The following FRMD1 variants were observed in gnomAD, a reference collection of about 807,000 sequenced individuals.
The protein encoded by FRMD1 is FERM domain-containing protein 1.
In FRMD1, 51 loss-of-function variants were observed where a neutral mutation model predicts 54.9. The ratio of observed to expected loss-of-function variants is 0.93; its 90% confidence interval spans 0.74 to 1.17. FRMD1 has a LOEUF of 1.17. Ranked by LOEUF, FRMD1 falls within the 50% of genes most tolerant of loss-of-function variation. The pLI is 0.00. For missense variants in FRMD1, 729 were observed against 743.0 expected, an observed-to-expected ratio of 0.98 and a Z score of 0.22; for synonymous variants, 324 against 306.4, an observed-to-expected ratio of 1.06 and a Z score of -0.60.
At position 168,056,703 on chromosome 6, in the gene FRMD1, A is replaced by G. The variant is rs6930196; in HGVS notation, c.*394T>C. On this transcript the variant is annotated 3_prime_UTR_variant, in exon 11 of 11. Coordinates refer to ENST00000283309, the MANE Select transcript of FRMD1 (RefSeq NM_024919.6). ...ATCAGGACTGTCTCTTGGGGAGCTG[A>G]CAGTGTGGGAAACTGCAGAGCTGTC... The G allele has an allele frequency of 0.012, 2,073 of 165,940 alleles. 38 individuals are homozygous for G. Among genetic ancestry groups the G allele is most frequent in the African/African-American group, 0.042 (1,760 of 42,000 alleles). 10.3% of individuals were successfully genotyped at this position (165,940 alleles called of 1,614,324 possible).
intron 2 of FRMD1, among the ~76,000 whole-genome samples, chr6:168,072,232 G>A (rs1473042243): frequency 6.6e-6 from 1 of 152,144 alleles, no homozygotes; most frequent in Non-Finnish European, 1.5e-5. Flanking sequence ...GCTGGGAGGG[G>A]AGGTCCTTCC....
Position 168,079,044 on chromosome 6 carries a change from A to C in FRMD1, c.51T>G (p.Pro17=). 5.6e-6 allele frequency: 9 copies of C among 1,610,984 alleles called. No homozygotes were observed. The highest frequency in any genetic ancestry group is 7.6e-6 in the Non-Finnish European group (9 of 1,179,910). The stretch of plus-strand genomic sequence containing the variant: ...GCGCCCCTGAAGGAGGGAACGTGTC[A>C]GGGTTTGTCCGGGCGGGGTCTATGC... ...GRGIDPARTN[P]DTFPPSGARC... Residue 17 remains proline (P), a synonymous_variant, in exon 1 of 11, where the codon CCT becomes CCG. Coordinates refer to ENST00000283309, the MANE Select transcript of FRMD1 (RefSeq NM_024919.6).
intron 9 of FRMD1, among the ~76,000 whole-genome samples, chr6:168,060,005 A>AGGGGGCTTCCTAGGAGTG (rs1357421340): frequency 7.2e-6 from 1 of 139,626 alleles, no homozygotes; most frequent in Non-Finnish European, 1.6e-5. Context: ...TCCTAGGAGT[A>AGGGGGCTTCCTAGGAGTG]GGGGGCTTCC....
chr6:168,081,431 G>A (rs1043803253), upstream of FRMD1: 2 of 1,535,448 alleles, frequency 1.3e-6, no homozygotes, highest in African/African-American at 2.7e-5. Flanking sequence ...GGCAGTGGAC[G>A]GGCAGAGGCC....
intron 3 of FRMD1, chr6:168,067,133 C>T (rs767643371): frequency 1.0e-5 from 7 of 702,998 alleles, no homozygotes; most frequent in South Asian, 3.0e-5. Context: ...GGAGCAGCTG[C>T]GTGGACAGAA....
At position 168,079,018 on chromosome 6, in the gene FRMD1, C is replaced by T. The variant is rs201418808; in HGVS notation, c.77G>A (p.Arg26Gln). 4.0e-5 allele frequency: 64 copies of T among 1,612,112 alleles called. No individual in the cohort carries two copies. The highest frequency in any genetic ancestry group is 1.7e-4 in the African/African-American group (13 of 74,900). The stretch of plus-strand genomic sequence containing the variant: ...CCTCTCAGGACTGGGTTCCATACAT[C>T]GCGCCCCTGAAGGAGGGAACGTGTC... ...NPDTFPPSGARCMEPSPERPA... is the reference protein window; with the variant it reads ...NPDTFPPSGAQCMEPSPERPA... Residue 26 changes from arginine (R) to glutamine (Q), a missense_variant, in exon 1 of 11, where the codon CGA (arginine) becomes CAA (glutamine). Transcript: ENST00000283309.
chr6:168,067,585 G>T (rs928171561), intron 2 of FRMD1, 139 bp from the exon 3 acceptor site: 12 of 601,802 alleles, frequency 2.0e-5, no homozygotes, highest in Non-Finnish European at 3.3e-5. Context: ...CTGCATATGG[G>T]GCTTTCCTTG....
At position 168,055,499 on chromosome 6, in the gene FRMD1, C is replaced by T. The variant is rs540572899; in HGVS notation, c.*1598G>A. The T allele has an allele frequency of 6.6e-6, 1 of 152,390 alleles. No individual in the cohort carries two copies. Among genetic ancestry groups the T allele is most frequent in the East Asian group, 1.9e-4 (1 of 5,182 alleles). 9.4% of individuals were successfully genotyped at this position (152,390 alleles called of 1,614,324 possible). The stretch of plus-strand genomic sequence containing the variant: ...CTGGTGTGTACCTTCCCTCATGGTC[C>T]ATGGGACTGGGCTCTTGCTTCCAAG... On this transcript the variant is annotated 3_prime_UTR_variant, in exon 11 of 11. Transcript: ENST00000283309.
At chr6:168,073,205 CT>C (rs1800396498) in intron 2 of FRMD1, among the ~76,000 whole-genome samples, 1 of 152,184 alleles carries the variant, frequency 6.6e-6, no homozygotes, top group Non-Finnish European at 1.5e-5. Context: ...AGTCACCCCC[CT>C]GCAACACCAA....
intron 1 of FRMD1, among the ~76,000 whole-genome samples, chr6:168,092,434 G>C (rs1012334292): frequency 6.6e-6 from 1 of 152,252 alleles, no homozygotes; most frequent in South Asian, 2.1e-4. Flanking sequence ...GTGGTCATGG[G>C]GGTGGGGCCT....
intron 1 of FRMD1, among the ~76,000 whole-genome samples, chr6:168,090,093 C>G (rs1477124656): frequency 6.6e-6 from 1 of 152,140 alleles, no homozygotes; most frequent in Non-Finnish European, 1.5e-5. Flanking sequence ...CCCCCAGAAC[C>G]CACCCAGCCT....
chr6:168,060,870 T>A lies in FRMD1; in HGVS notation c.1233A>T (p.Arg411Ser). 5.6e-6 allele frequency: 9 copies of A among 1,613,794 alleles called. No homozygotes were observed. The highest frequency in any genetic ancestry group is 7.6e-6 in the Non-Finnish European group (9 of 1,180,012). ...CCAAGGGCACGTCCACAGACATCTC[T>A]CTGGATTCCCTGAGCCAGGAGTTGG... Reference protein sequence around the residue: ...IKANSWLRESREMSVDVPLEV... With the variant: ...IKANSWLRESSEMSVDVPLEV... Residue 411 changes from arginine (R) to serine (S), a missense_variant, in exon 9 of 11, where the codon AGA (arginine) becomes AGT (serine). Coordinates refer to ENST00000283309, the MANE Select transcript of FRMD1 (RefSeq NM_024919.6).
chr6:168,062,551 G>A lies in FRMD1; in HGVS notation c.870+343C>T, dbSNP rs902927514. 1.4e-5 allele frequency: 15 copies of A among 1,075,254 alleles called. No homozygotes were observed. The South Asian group carries it at 1.8e-4, about 13-fold the overall frequency. The allele number at this position is 1,075,254 out of a possible 1,614,324, so 66.6% of individuals were successfully genotyped here. ...AGGCCAGGACGGCCCTGATGCCCCC[G>A]AGAGGCCGGCAGGAAGGGACCTGCA... On this transcript the variant is annotated intron_variant, in intron 7 of 10. Transcript: ENST00000283309.
At chr6:168,061,772 G>A (rs781525067) in intron 8 of FRMD1, 35 bp downstream of exon 8, 200 of 1,524,084 alleles carry the variant, frequency 1.3e-4, no homozygotes, top group Non-Finnish European at 1.6e-4. Flanking sequence ...GGCACAGTCC[G>A]GCTGCGGAGC....
rs1799611676 is a variant in FRMD1 at position 168,059,624 on chromosome 6, C to T, written c.1343-436G>A. 6.6e-6 allele frequency among the ~76,000 whole-genome samples: 1 copy of T among 152,160 alleles called. No individual in the cohort carries two copies. The highest frequency in any genetic ancestry group is 1.5e-5 in the Non-Finnish European group (1 of 68,010). ...CTGGGCGGTCCTGGGTGACTGAGCCCTGGGGCTGGTCCCACCTGATCTCAT... is the reference window on the plus strand; with the variant it reads ...CTGGGCGGTCCTGGGTGACTGAGCCTTGGGGCTGGTCCCACCTGATCTCAT... On this transcript the variant is annotated intron_variant, in intron 9 of 10. Coordinates refer to ENST00000283309, the MANE Select transcript of FRMD1 (RefSeq NM_024919.6). This position sits in a 1 kb window ranked among gnomAD's most constrained non-coding sequence, Gnocchi z 4.4.
chr6:168,070,918 C>T (rs1800276003), intron 2 of FRMD1, among the ~76,000 whole-genome samples: 1 of 152,210 alleles, frequency 6.6e-6, no homozygotes, highest in South Asian at 2.1e-4. Flanking sequence ...GGACTACATG[C>T]ACCCTCTAGA....
At chr6:168,070,175 G>A (rs1291690452) in intron 2 of FRMD1, among the ~76,000 whole-genome samples, 2 of 151,510 alleles carry the variant, frequency 1.3e-5, no homozygotes, top group Non-Finnish European at 2.9e-5. Flanking sequence ...ATTCCAGCCT[G>A]GGTGGCAGAG....
rs1034504861 is a variant in FRMD1, at chr6:168,066,672, G to A, written c.461+83C>T. ...GTTTTTGGATAAACTCAAATGTAAT[G>A]TGTGGCCTTCAGGGGACTTCCACGT... On this transcript the variant is annotated intron_variant, in intron 4 of 10. Transcript: ENST00000283309. 9.4e-6 allele frequency: 14 copies of A among 1,493,600 alleles called. No individual in the cohort carries two copies. The African/African-American group carries it at 1.4e-4, about 15-fold the overall frequency. 92.5% of individuals were successfully genotyped at this position (1,493,600 alleles called of 1,614,324 possible). A position where few individuals can be genotyped will look rare whatever the true frequency, so the allele number is the denominator to read the frequency against.
At chr6:168,067,337 G>T in intron 3 of FRMD1, 30 bp downstream of exon 3, 3 of 1,447,342 alleles carry the variant, frequency 2.1e-6, no homozygotes, top group Non-Finnish European at 2.9e-6. Context: ...CGCGGTGCCT[G>T]CCCTCTCCCA....
Sources: gnomAD v4.1 joint callset for allele counts (sites outside exome capture counted in the v4.1 genomes callset) on GRCh38, gnomAD v4.1.1 for gene constraint, Gnocchi (gnomAD v3.1) non-coding constraint, MANE v1.5 for transcripts, NCBI Gene and HGNC (gene_info 2026-07-23, HGNC 2026-07-21) for gene names.